Variants in CPSF6 observed in about 807,000 individuals in gnomAD.
CPSF6 encodes cleavage and polyadenylation specificity factor subunit 6.
In CPSF6, 10 loss-of-function variants were observed where a neutral mutation model predicts 56.7. The ratio of observed to expected loss-of-function variants is 0.18; its 90% CI spans 0.11 to 0.30. The LOEUF is 0.30. Ranked by LOEUF, CPSF6 falls within the 10% of genes least tolerant of loss-of-function variation. CPSF6 has a pLI of 1.00. For missense variants in CPSF6, 419 were observed against 722.9 expected (o/e 0.58, Z 4.82); for synonymous variants, 248 against 244.8 (o/e 1.01, Z -0.12).
chr12:69,269,149 A>T (rs570256), intron 9 of CPSF6, among the ~76,000 whole-genome samples: 115,354 of 151,796 alleles, frequency 0.76, 44,486 homozygotes, highest in African/African-American at 0.9. Flanking sequence ...ATATTTACAT[A>T]AAAATCATCC....
rs143872681 is a variant in CPSF6 at position 69,241,044 on chromosome 12, C to T, written c.60+1338C>T. ...ACCATCATATTCGTGACTAGTTGCT[C>T]AGGCTTTTTAAAAAACAAGGAAACT... On this transcript the variant is annotated intron_variant, in intron 1 of 9. Coordinates refer to ENST00000435070, the MANE Select transcript of CPSF6 (RefSeq NM_007007.3). Among the ~76,000 whole-genome samples the T allele has an allele frequency of 1.1e-3, 174 of 152,260 alleles. 1 individual carries two copies. The highest frequency in any genetic ancestry group is 3.8e-3 in the African/African-American group (159 of 41,556).
At chr12:69,260,738 A>G (rs926025756) in intron 8 of CPSF6, among the ~76,000 whole-genome samples, 1 of 152,228 alleles carries the variant, frequency 6.6e-6, no homozygotes, top group African/African-American at 2.4e-5. Flanking sequence ...TCATTAGAAC[A>G]CATGTTGAAT....
chr12:69,259,943 A>G, intron 7 of CPSF6, 101 bp from the exon 8 acceptor site: 1 of 1,180,820 alleles, frequency 8.5e-7, no homozygotes, highest in Non-Finnish European at 1.2e-6. Flanking sequence ...TTTATAGCAC[A>G]GTACTTTTGT....
chr12:69,246,958 C>A (rs1871939615), intron 1 of CPSF6, among the ~76,000 whole-genome samples: 1 of 152,148 alleles, frequency 6.6e-6, no homozygotes, highest in South Asian at 2.1e-4. Flanking sequence ...AACCACCATG[C>A]CTAGCCTCGA....
chr12:69,245,431 G>T (rs900673529), intron 1 of CPSF6, among the ~76,000 whole-genome samples: 4 of 152,044 alleles, frequency 2.6e-5, no homozygotes, highest in Admixed American at 2.6e-4. Context: ...TTTATCGTAG[G>T]TATATATAAA....
intron 9 of CPSF6, among the ~76,000 whole-genome samples, chr12:69,268,453 A>T (rs557281584): frequency 2.0e-5 from 3 of 151,606 alleles, no homozygotes; most frequent in Non-Finnish European, 3.0e-5. Flanking sequence ...ATAATAGAAA[A>T]ATTTATAGCA....
chr12:69,265,702 A>G (rs1312613676), intron 9 of CPSF6, among the ~76,000 whole-genome samples: 1 of 150,470 alleles, frequency 6.6e-6, no homozygotes, highest in African/African-American at 2.5e-5. Context: ...TCCTGGGTTC[A>G]AGCAATTCTC....
chr12:69,252,163 C>T (rs1238229137), intron 2 of CPSF6: 2 of 449,516 alleles, frequency 4.4e-6, no homozygotes, highest in Non-Finnish European at 8.9e-6. Context: ...AAGCCTCAAA[C>T]TCCTGGGCTG....
chr12:69,258,313 T>A lies in CPSF6; in HGVS notation c.695-277T>A. On this transcript the variant is annotated intron_variant, in intron 5 of 9. Transcript: ENST00000435070. This position sits in a 1 kb window ranked among gnomAD's most constrained non-coding sequence, Gnocchi z 4.2. ...GGGTGATTTCACTGTAAGAAGTGTG[T>A]GTACACGGAAAGATGGAAAATATCT... 1 of 592,608 alleles carries A rather than the reference T, an allele frequency of 1.7e-6. No homozygotes were observed. Among genetic ancestry groups the A allele is most frequent in the South Asian group, 2.4e-5 (1 of 41,868 alleles). 36.7% of individuals were successfully genotyped at this position (592,608 alleles called of 1,614,324 possible).
At chr12:69,267,855 A>G (rs761860456) in intron 9 of CPSF6, among the ~76,000 whole-genome samples, 20 of 151,988 alleles carry the variant, frequency 1.3e-4, no homozygotes, top group African/African-American at 4.3e-4. Context: ...GTGTGTTGCA[A>G]TTTTACAAAT....
At chr12:69,239,955 G>A (rs1040087822) in intron 1 of CPSF6, among the ~76,000 whole-genome samples, 77 of 150,422 alleles carry the variant, frequency 5.1e-4, no homozygotes, top group Middle Eastern at 3.4e-3. Flanking sequence ...TGCAGCTGCC[G>A]CCGGCTCCTC....
chr12:69,239,893 C>A (rs1324667727), intron 1 of CPSF6, among the ~76,000 whole-genome samples, 187 bp downstream of exon 1: 2 of 149,290 alleles, frequency 1.3e-5, no homozygotes, highest in African/African-American at 4.9e-5. Context: ...GTTTCACGGG[C>A]CGCGGGCGCG....
intron 1 of CPSF6, among the ~76,000 whole-genome samples, chr12:69,249,274 A>G (rs898678352): frequency 1.3e-5 from 2 of 149,626 alleles, no homozygotes; most frequent in Non-Finnish European, 2.9e-5. Flanking sequence ...CCGTCTCAAA[A>G]AAATAAATAA....
chr12:69,259,571 C>A (rs762123542), intron 7 of CPSF6, 28 bp downstream of exon 7: 3 of 1,574,086 alleles, frequency 1.9e-6, no homozygotes, highest in Admixed American at 1.9e-5. Context: ...ATTAATATTT[C>A]TTATTTATGT....
At position 69,239,598 on chromosome 12, in the gene CPSF6, C is replaced by G; in HGVS notation, c.-49C>G. 6.6e-7 allele frequency: 1 copy of G among 1,522,952 alleles called. No individual in the cohort carries two copies. The highest frequency in any genetic ancestry group is 8.8e-7 in the Non-Finnish European group (1 of 1,137,036). The allele number at this position is 1,522,952 out of a possible 1,614,324, so 94.3% of individuals were successfully genotyped here. On this transcript the variant is annotated 5_prime_UTR_variant, in exon 1 of 10. Coordinates refer to ENST00000435070, the MANE Select transcript of CPSF6 (RefSeq NM_007007.3). ...GATCCGCTGCTGCTGCCGCGGCGGG[C>G]AGACCTGCAGGAGGCGGCGGCGGCG... is the stretch of plus-strand genomic sequence containing the variant.
At chr12:69,247,144 T>C (rs1299601031) in intron 1 of CPSF6, among the ~76,000 whole-genome samples, 1 of 152,092 alleles carries the variant, frequency 6.6e-6, no homozygotes, top group Non-Finnish European at 1.5e-5. Context: ...AAAAGTAACT[T>C]CTTGAAGGGA....
intron 4 of CPSF6, 57 bp downstream of exon 4, chr12:69,256,899 T>A (rs1237195452): frequency 7.0e-7 from 1 of 1,438,336 alleles, no homozygotes; most frequent in Non-Finnish European, 9.5e-7. Flanking sequence ...AGTGCATTTG[T>A]TAGGTGTTAT....
At chr12:69,241,986 A>C (rs1871647458) in intron 1 of CPSF6, among the ~76,000 whole-genome samples, 1 of 151,800 alleles carries the variant, frequency 6.6e-6, no homozygotes, top group African/African-American at 2.4e-5. Context: ...TCTTGTTTTT[A>C]AAAATATGTT....
intron 2 of CPSF6, among the ~76,000 whole-genome samples, chr12:69,252,710 T>C (rs901629416): frequency 2.0e-5 from 3 of 152,214 alleles, no homozygotes. Flanking sequence ...CAAAATACTT[T>C]CCTTTAATGG....
Sources: allele counts gnomAD v4.1 joint callset (sites outside exome capture counted in the v4.1 genomes callset), GRCh38; gene constraint gnomAD v4.1.1; non-coding constraint Gnocchi (gnomAD v3.1); transcripts MANE v1.5; gene names NCBI Gene and HGNC (gene_info 2026-07-23, HGNC 2026-07-21).